The following SLC22A15 variants were observed in gnomAD, a reference collection of about 807,000 sequenced individuals.
SLC22A15 encodes solute carrier family 22 member 15.
In SLC22A15, 45 loss-of-function variants were observed where a neutral mutation model predicts 62.7. The ratio of observed to expected loss-of-function variants is 0.72; its 90% CI spans 0.56 to 0.92. SLC22A15 has a LOEUF of 0.92. Ranked by LOEUF, SLC22A15 falls within the 40% of genes least tolerant of loss-of-function variation. The pLI is 0.00. For missense variants in SLC22A15, 622 were observed against 665.6 expected, an observed-to-expected ratio of 0.93 and a Z score of 0.72; for synonymous variants, 264 against 267.0, an observed-to-expected ratio of 0.99 and a Z score of 0.11.
intron 7 of SLC22A15, among the ~76,000 whole-genome samples, chr1:116,035,676 A>G (rs1323964598): frequency 6.6e-6 from 1 of 152,012 alleles, no homozygotes; most frequent in Non-Finnish European, 1.5e-5. Flanking sequence ...ATGAAACTCT[A>G]TAAACCCAAT....
chr1:116,060,542 C>A (rs1281750), intron 8 of SLC22A15, among the ~76,000 whole-genome samples: 135,525 of 152,210 alleles, frequency 0.89, 61,281 homozygotes, highest in East Asian at 1. Flanking sequence ...TGTATAGTGC[C>A]TCCATACAGT....
At chr1:116,015,878 T>G (rs950246565) in intron 2 of SLC22A15, among the ~76,000 whole-genome samples, 3 of 152,206 alleles carry the variant, frequency 2.0e-5, no homozygotes, top group Non-Finnish European at 4.4e-5. Flanking sequence ...GTCCTGTCTT[T>G]TCTAGGACAA....
intron 8 of SLC22A15, among the ~76,000 whole-genome samples, chr1:116,050,491 A>G (rs1658020645): frequency 6.6e-6 from 1 of 152,180 alleles, no homozygotes; most frequent in Non-Finnish European, 1.5e-5. Context: ...AACAAAAATC[A>G]CATGATCATC....
At chr1:116,061,507 A>T (rs1186049434) in intron 8 of SLC22A15, among the ~76,000 whole-genome samples, 1 of 152,118 alleles carries the variant, frequency 6.6e-6, no homozygotes. Context: ...AGATTGTAGT[A>T]AGTTGCCAGG....
chr1:115,992,414 T>G (rs1195024465), intron 2 of SLC22A15, among the ~76,000 whole-genome samples, 171 bp downstream of exon 2: 1 of 152,172 alleles, frequency 6.6e-6, no homozygotes, highest in Non-Finnish European at 1.5e-5. Flanking sequence ...GAGAACACAT[T>G]CCTTTTCCTC....
At chr1:116,022,499 A>G (rs962310892) in intron 4 of SLC22A15, among the ~76,000 whole-genome samples, 1 of 152,098 alleles carries the variant, frequency 6.6e-6, no homozygotes, top group Non-Finnish European at 1.5e-5. Context: ...TTTCTCCATT[A>G]TAGTATTTAT....
At chr1:116,007,367 C>A (rs1656034559) in intron 2 of SLC22A15, among the ~76,000 whole-genome samples, 1 of 152,206 alleles carries the variant, frequency 6.6e-6, no homozygotes, top group Non-Finnish European at 1.5e-5. Context: ...TTTAAGCATT[C>A]CAGATGCTGA....
At chr1:116,009,196 T>A (rs894522981) in intron 2 of SLC22A15, among the ~76,000 whole-genome samples, 9 of 152,154 alleles carry the variant, frequency 5.9e-5, no homozygotes, top group Non-Finnish European at 1.3e-4. Flanking sequence ...CAGGGAGACC[T>A]AACAAAGGCC....
chr1:116,066,586 A>C lies in SLC22A15; in HGVS notation c.1432A>C (p.Ser478Arg), dbSNP rs1279554765. 1 of 1,608,490 alleles carries C rather than the reference A, an allele frequency of 6.2e-7. No homozygotes were observed. Among genetic ancestry groups the C allele is most frequent in the East Asian group, 2.2e-5 (1 of 44,708 alleles). ...CACGGGTCTGACCTCCGGCCTCCTGAGTTTGTTATTGCCGGAGACCCTTAA... is the reference window on the plus strand; with the variant it reads ...CACGGGTCTGACCTCCGGCCTCCTGCGTTTGTTATTGCCGGAGACCCTTAA... ...GATGLTSGLL[S>R]LLLPETLNSP... Residue 478 changes from serine (S) to arginine (R), a missense_variant, in exon 11 of 12, where the codon AGT becomes CGT. Physicochemically the swap from Ser to Arg is moderately radical, Grantham distance 110 (BLOSUM62 -1). Transcript: ENST00000369503.
chr1:115,993,449 G>GTGTGTA (rs1291397254), intron 2 of SLC22A15, among the ~76,000 whole-genome samples: 2 of 150,166 alleles, frequency 1.3e-5, no homozygotes, highest in African/African-American at 5.0e-5. Context: ...GTGTGTGTGT[G>GTGTGTA]TGTGTGTGTC....
intron 2 of SLC22A15, among the ~76,000 whole-genome samples, chr1:115,995,024 C>T (rs1163775401): frequency 3.3e-5 from 5 of 151,748 alleles, no homozygotes; most frequent in Admixed American, 3.3e-4. Flanking sequence ...GCATCTATAC[C>T]TTTTCTCTTT....
intron 1 of SLC22A15, among the ~76,000 whole-genome samples, chr1:115,977,524 A>G (rs1237244309): frequency 6.6e-6 from 1 of 152,200 alleles, no homozygotes; most frequent in Non-Finnish European, 1.5e-5. Context: ...GCTTCTCTCA[A>G]TATGCCAGAG....
At chr1:116,017,301 G>T (rs551845978) in intron 2 of SLC22A15, among the ~76,000 whole-genome samples, 1 of 140,800 alleles carries the variant, frequency 7.1e-6, no homozygotes, top group East Asian at 2.1e-4. Flanking sequence ...AGGCTGGGGA[G>T]TCAAGGCTAC....
chr1:116,031,442 G>C lies in SLC22A15; in HGVS notation c.805G>C (p.Ala269Pro). 1 of 1,613,890 alleles carries C rather than the reference G, an allele frequency of 6.2e-7. No homozygotes were observed. The highest frequency in any genetic ancestry group is 1.3e-5 in the African/African-American group (1 of 75,028). Reference protein sequence around the residue: ...SEAEEALYLIAKRNRKLKCTF... With the variant: ...SEAEEALYLIPKRNRKLKCTF... Reference sequence around the variant, plus strand: ...GGCTGAAGAGGCGCTGTACCTCATTGCCAAGAGGAACCGCAAACTCAAGTG... The same window carrying C: ...GGCTGAAGAGGCGCTGTACCTCATTCCCAAGAGGAACCGCAAACTCAAGTG... The change falls in exon 6 of 12, where the codon GCC (alanine) becomes CCC (proline). Residue 269 changes from alanine (A) to proline (P), a missense_variant. By Grantham distance (27) the Ala-to-Pro change is conservative. Transcript: ENST00000369503.
intron 5 of SLC22A15, among the ~76,000 whole-genome samples, chr1:116,030,520 G>A (rs1044940116): frequency 6.6e-6 from 1 of 152,044 alleles, no homozygotes; most frequent in African/African-American, 2.4e-5. Flanking sequence ...TTTGTCTTTG[G>A]AAAGTCCTCT....
At chr1:115,979,153 C>T (rs1277092322) in intron 1 of SLC22A15, among the ~76,000 whole-genome samples, 1 of 152,182 alleles carries the variant, frequency 6.6e-6, no homozygotes, top group Non-Finnish European at 1.5e-5. Context: ...ACCCCAAACA[C>T]ATCTATGTTC....
chr1:116,032,210 A>G, intron 6 of SLC22A15: 2 of 985,388 alleles, frequency 2.0e-6, no homozygotes, highest in Non-Finnish European at 2.4e-6. Flanking sequence ...ACCTTTCAAA[A>G]TGCTCTCAGC....
chr1:115,990,043 GAAATGGT>G (rs1655072684), intron 1 of SLC22A15, among the ~76,000 whole-genome samples: 1 of 152,226 alleles, frequency 6.6e-6, no homozygotes, highest in African/African-American at 2.4e-5. Context: ...TACAGTGAAG[GAAATGGT>G]TCATGCTCTC....
chr1:115,988,690 T>G (rs1276601319), intron 1 of SLC22A15, among the ~76,000 whole-genome samples: 2 of 67,704 alleles, frequency 3.0e-5, no homozygotes, highest in Admixed American at 3.1e-4. Context: ...CCAGCTAATT[T>G]TTTTTTTTTT....
Sources: allele counts gnomAD v4.1 joint callset (sites outside exome capture counted in the v4.1 genomes callset), GRCh38; gene constraint gnomAD v4.1.1; transcripts MANE v1.5; gene names NCBI Gene and HGNC (gene_info 2026-07-23, HGNC 2026-07-21).